SORCS1: variants seen among roughly 807,000 people sequenced by gnomAD.
SORCS1 encodes the protein sortilin related VPS10 domain containing receptor 1, also known as VPS10 domain-containing receptor SorCS1.
A neutral mutation model predicts 146.1 loss-of-function variants in SORCS1; 60 were observed. The observed-to-expected ratio is 0.41, with a 90% CI of 0.33 to 0.51. The LOEUF (loss-of-function observed/expected upper bound fraction) is 0.51, where lower values mean the gene tolerates loss of function less well. Among genes scored for constraint, SORCS1 ranks in the 20% least tolerant of loss-of-function variants. The pLI is 0.21. For missense variants in SORCS1, 1,352 were observed against 1,487.6 expected (o/e 0.91, Z 1.50); for synonymous variants, 637 against 584.0 (o/e 1.09, Z -1.31).
At chr10:106,782,745 A>T (rs1038015825) in intron 3 of SORCS1, among the ~76,000 whole-genome samples, 4 of 152,240 alleles carry the variant, frequency 2.6e-5, no homozygotes, top group Admixed American at 2.0e-4. Flanking sequence ...ATTTTACTGT[A>T]AGAATCTGCT....
At chr10:106,763,424 T>C (rs932325443) in intron 4 of SORCS1, among the ~76,000 whole-genome samples, 1 of 152,236 alleles carries the variant, frequency 6.6e-6, no homozygotes, top group Non-Finnish European at 1.5e-5. Context: ...TGTGAGCATA[T>C]AGAGGCCCCT....
chr10:106,939,076 T>C (rs1381965349), intron 2 of SORCS1, among the ~76,000 whole-genome samples: 3 of 152,158 alleles, frequency 2.0e-5, no homozygotes, highest in African/African-American at 7.2e-5. Flanking sequence ...AGATTCCTAA[T>C]TGGGAGAAGG....
intron 2 of SORCS1, among the ~76,000 whole-genome samples, chr10:106,869,385 C>CA (rs993333033): frequency 2.0e-5 from 3 of 151,910 alleles, no homozygotes; most frequent in Admixed American, 6.6e-5. Flanking sequence ...AGACACACAA[C>CA]AAAAAAAGAG....
chr10:107,142,115 T>C (rs899442594), intron 1 of SORCS1, among the ~76,000 whole-genome samples: 5 of 152,162 alleles, frequency 3.3e-5, no homozygotes, highest in African/African-American at 7.2e-5. Context: ...TCTAGGGAAA[T>C]GGACCCTGGC....
intron 5 of SORCS1, among the ~76,000 whole-genome samples, chr10:106,756,579 T>C (rs1240819965): frequency 6.6e-6 from 1 of 152,194 alleles, no homozygotes; most frequent in African/African-American, 2.4e-5. Flanking sequence ...ACCTATTCTA[T>C]TAATGGTAAT....
chr10:107,158,498 C>T (rs1364433140), intron 1 of SORCS1, among the ~76,000 whole-genome samples: 2 of 152,112 alleles, frequency 1.3e-5, no homozygotes, highest in Non-Finnish European at 2.9e-5. Flanking sequence ...TCTGAAGTAC[C>T]TACTCTACAA....
At chr10:107,001,210 T>C (rs746385242) in intron 1 of SORCS1, among the ~76,000 whole-genome samples, 65 of 152,214 alleles carry the variant, frequency 4.3e-4, no homozygotes, top group Non-Finnish European at 6.3e-4. Context: ...ATTTAAGATG[T>C]GTGACAGGGA....
intron 2 of SORCS1, among the ~76,000 whole-genome samples, chr10:106,894,252 TGC>T (rs1207229647): frequency 2.0e-5 from 3 of 149,628 alleles, no homozygotes; most frequent in East Asian, 3.9e-4. Context: ...TGTGTGTGTG[TGC>T]GCGCGCGCAC....
rs543269948 is a variant in SORCS1, at chr10:106,630,407, T to A, written c.2476-1019A>T. On this transcript the variant is annotated intron_variant, in intron 18 of 25. Coordinates refer to ENST00000263054, the MANE Select transcript of SORCS1 (RefSeq NM_052918.5). Reference sequence around the variant, plus strand: ...GAAGAAGATGAAGTCAAAAAAGATGTCATCACTTGTTCAAGGTTAACACAG... The same window carrying A: ...GAAGAAGATGAAGTCAAAAAAGATGACATCACTTGTTCAAGGTTAACACAG... Among the ~76,000 whole-genome samples, 12 of 152,296 alleles carry A rather than the reference T, an allele frequency of 7.9e-5. No homozygotes were observed. The South Asian group carries it at 2.5e-3, about 32-fold the overall frequency.
intron 1 of SORCS1, among the ~76,000 whole-genome samples, chr10:107,038,511 G>A (rs1312536009): frequency 1.3e-5 from 2 of 152,122 alleles, no homozygotes; most frequent in Non-Finnish European, 2.9e-5. Context: ...TGCACATTGT[G>A]CGCACGTACC....
intron 1 of SORCS1, among the ~76,000 whole-genome samples, chr10:107,155,196 G>A (rs1462488526): frequency 6.6e-6 from 1 of 152,108 alleles, no homozygotes; most frequent in Non-Finnish European, 1.5e-5. Flanking sequence ...AGGGGGTCAT[G>A]GTTTCTATTG....
intron 2 of SORCS1, among the ~76,000 whole-genome samples, chr10:106,842,775 G>A (rs928845080): frequency 3.3e-5 from 5 of 151,262 alleles, no homozygotes; most frequent in East Asian, 2.0e-4. Flanking sequence ...CACCATGCCC[G>A]GCTAATTTTG....
At chr10:107,178,207 G>C in the SORCS1 span, among the ~76,000 whole-genome samples, 1 of 152,112 alleles carries the variant, frequency 6.6e-6, no homozygotes, top group Non-Finnish European at 1.5e-5. Context: ...GTTAACTGTA[G>C]TCACCCTACT....
At chr10:107,095,800 G>A (rs10787007) in intron 1 of SORCS1, among the ~76,000 whole-genome samples, 84,552 of 151,770 alleles carry the variant, frequency 0.56, 24,671 homozygotes, top group African/African-American at 0.69. Context: ...TTAAAAAAAA[G>A]GTTACCTCCC....
chr10:107,105,417 G>A (rs1481690829), intron 1 of SORCS1, among the ~76,000 whole-genome samples: 1 of 152,210 alleles, frequency 6.6e-6, no homozygotes, highest in African/African-American at 2.4e-5. Flanking sequence ...ATAAGGTGAA[G>A]TCCCACAACA....
At chr10:106,889,910 A>AAAAAAAAAAC (rs1951163980) in intron 2 of SORCS1, among the ~76,000 whole-genome samples, 3 of 151,086 alleles carry the variant, frequency 2.0e-5, no homozygotes, top group South Asian at 2.1e-4. Flanking sequence ...AAAAAAAAAA[A>AAAAAAAAAAC]AGCACTTCCC....
intron 3 of SORCS1, among the ~76,000 whole-genome samples, chr10:106,779,423 C>T (rs955603207): frequency 4.6e-5 from 7 of 152,090 alleles, no homozygotes; most frequent in African/African-American, 1.7e-4. Flanking sequence ...AACTCATGAC[C>T]CTATCATTGC....
At chr10:106,656,881 GGTTCCCCTGGTGAT>G (rs1485738437) in intron 17 of SORCS1, among the ~76,000 whole-genome samples, 3 of 152,078 alleles carry the variant, frequency 2.0e-5, no homozygotes. Context: ...TTTGTTTTTA[GGTTCCCCTGGTGAT>G]GCTAGTTTGC....
intron 3 of SORCS1, among the ~76,000 whole-genome samples, chr10:106,802,394 C>T (rs553638426): frequency 9.9e-5 from 15 of 151,956 alleles, no homozygotes; most frequent in South Asian, 8.3e-4. Flanking sequence ...TGCAGTGACA[C>T]GATCACAGCT....
Sources: gnomAD v4.1 joint callset for allele counts (sites outside exome capture counted in the v4.1 genomes callset) on GRCh38, gnomAD v4.1.1 for gene constraint, MANE v1.5 for transcripts, NCBI Gene and HGNC (gene_info 2026-07-23, HGNC 2026-07-21) for gene names.